Variants in CFAP299 observed in about 807,000 individuals in gnomAD.
CFAP299 encodes the protein cilia- and flagella-associated protein 299.
CFAP299 carries 21 observed loss-of-function variants against 27.0 expected under a neutral mutation model. The ratio of observed to expected loss-of-function variants is 0.78; its 90% CI spans 0.55 to 1.12. The LOEUF (loss-of-function observed/expected upper bound fraction) is 1.12. CFAP299 is among the 50% of genes most tolerant of loss of function. The probability of loss-of-function intolerance (pLI) is 0.00; values close to 1 mark genes in which losing one functional copy is unlikely to be tolerated. For synonymous variants in CFAP299, 104 were observed against 98.1 expected (o/e 1.06, Z -0.36); for missense variants, 310 against 276.6 (o/e 1.12, Z -0.86).
chr4:80,546,482 A>C (rs1370784709), intron 2 of CFAP299, among the ~76,000 whole-genome samples: 1 of 152,216 alleles, frequency 6.6e-6, no homozygotes, highest in Non-Finnish European at 1.5e-5. Flanking sequence ...AAGAGATGAC[A>C]CAAATGAATA....
chr4:80,384,237 G>A (rs1724855393), intron 2 of CFAP299, among the ~76,000 whole-genome samples: 1 of 152,098 alleles, frequency 6.6e-6, no homozygotes, highest in African/African-American at 2.4e-5. Context: ...CTAACCAGAG[G>A]ATCAGAACTT....
rs138038237 is a variant in CFAP299 at position 80,472,810 on chromosome 4, C to T, written c.242+109926C>T. ...CCTGTATGGCCCATGTTCCACGGGACGGGGGTAATTCAGATGTTCCTCATA... is the reference window on the plus strand; with the variant it reads ...CCTGTATGGCCCATGTTCCACGGGATGGGGGTAATTCAGATGTTCCTCATA... On this transcript the variant is annotated intron_variant, in intron 2 of 5. Coordinates refer to ENST00000358105, the MANE Select transcript of CFAP299 (RefSeq NM_152770.3). Among the ~76,000 whole-genome samples the T allele has an allele frequency of 5.1e-3, 774 of 152,218 alleles. 4 individuals carry two copies. Among genetic ancestry groups the T allele is most frequent in the Middle Eastern group, 0.017 (5 of 294 alleles).
intron 3 of CFAP299, among the ~76,000 whole-genome samples, chr4:80,768,930 AGAG>A (rs1726050865): frequency 6.6e-6 from 1 of 152,210 alleles, no homozygotes; most frequent in Non-Finnish European, 1.5e-5. Flanking sequence ...ATGATAGCTC[AGAG>A]GATGGACTGA....
intron 2 of CFAP299, among the ~76,000 whole-genome samples, chr4:80,495,246 C>G (rs1451947196): frequency 6.6e-6 from 1 of 151,788 alleles, no homozygotes; most frequent in African/African-American, 2.4e-5. Context: ...TTGGTTGAAA[C>G]TCTAATTTCC....
chr4:80,343,819 A>AAG (rs1330679571), intron 1 of CFAP299, among the ~76,000 whole-genome samples: 2 of 150,882 alleles, frequency 1.3e-5, no homozygotes, highest in Non-Finnish European at 3.0e-5. Flanking sequence ...AAAAAAAAAA[A>AAG]AAAGAACTCA....
In CFAP299 at chr4:80,906,560, G is replaced by C. The variant is rs936826241; in HGVS notation, c.476+36425G>C. 1.2e-4 allele frequency among the ~76,000 whole-genome samples: 19 copies of C among 152,182 alleles called. 1 individual carries two copies. Among genetic ancestry groups the C allele is most frequent in the Non-Finnish European group, 4.4e-5 (3 of 68,036 alleles). On this transcript the variant is annotated intron_variant, in intron 4 of 5. Transcript: ENST00000358105. Reference sequence around the variant, plus strand: ...GGGCTGTGCCCTGCAGCAGTCTTCTGCCTGGACATCCAGGTATTTCAATAT... The same window carrying C: ...GGGCTGTGCCCTGCAGCAGTCTTCTCCCTGGACATCCAGGTATTTCAATAT...
rs541292020 is a variant in CFAP299 at position 80,348,067 on chromosome 4, T to TGGC, written c.111+12190_111+12192dup. On this transcript the variant is annotated intron_variant, in intron 1 of 5. Coordinates refer to ENST00000358105, the MANE Select transcript of CFAP299 (RefSeq NM_152770.3). ...GAGAAAGGATTCCCTATTTAATAAA[T>TGGC]GGCGTTGGGAGAACTGGTTAGTTAT... Among the ~76,000 whole-genome samples the TGGC allele has an allele frequency of 2.4e-4, 36 of 152,328 alleles. No homozygotes were observed. The South Asian group carries it at 7.5e-3, about 32-fold the overall frequency.
chr4:80,436,841 C>T (rs577595096), intron 2 of CFAP299, among the ~76,000 whole-genome samples: 1 of 152,258 alleles, frequency 6.6e-6, no homozygotes, highest in African/African-American at 2.4e-5. Flanking sequence ...GAGAAATGAA[C>T]TTTGATCACA....
rs144947768 is a variant in CFAP299, at chr4:80,375,380, G to A, written c.242+12496G>A. 6.6e-5 allele frequency among the ~76,000 whole-genome samples: 10 copies of A among 152,234 alleles called. No individual in the cohort carries two copies. The East Asian group carries it at 1.9e-3, about 29-fold the overall frequency. ...TTGGCTAGGGCATTCCCCTTGAATG[G>A]CATGGCATCCCAGCTTACCACATGT... On this transcript the variant is annotated intron_variant, in intron 2 of 5. Coordinates refer to ENST00000358105, the MANE Select transcript of CFAP299 (RefSeq NM_152770.3).
At chr4:80,847,274 C>T (rs1731236695) in intron 3 of CFAP299, among the ~76,000 whole-genome samples, 1 of 152,146 alleles carries the variant, frequency 6.6e-6, no homozygotes, top group East Asian at 1.9e-4. Flanking sequence ...GGGATATGGC[C>T]AGTATAAAAC....
chr4:80,836,616 T>C (rs1229761959), intron 3 of CFAP299, among the ~76,000 whole-genome samples: 1 of 152,196 alleles, frequency 6.6e-6, no homozygotes, highest in African/African-American at 2.4e-5. Flanking sequence ...TATATTGGGC[T>C]GACCTGGATA....
chr4:80,550,936 CAA>C (rs898171247), intron 2 of CFAP299, among the ~76,000 whole-genome samples: 1 of 151,958 alleles, frequency 6.6e-6, no homozygotes, highest in African/African-American at 2.4e-5. Context: ...ATGGGTTTTA[CAA>C]ACTTAGCAGA....
chr4:80,691,953 A>G (rs1263787729), intron 3 of CFAP299, among the ~76,000 whole-genome samples: 1 of 152,234 alleles, frequency 6.6e-6, no homozygotes, highest in African/African-American at 2.4e-5. Flanking sequence ...AATTGCTTCA[A>G]AGAGAATAAA....
chr4:80,725,743 T>C (rs1450665810), intron 3 of CFAP299, among the ~76,000 whole-genome samples: 1 of 152,218 alleles, frequency 6.6e-6, no homozygotes, highest in Non-Finnish European at 1.5e-5. Context: ...TTCCGTATTG[T>C]AGGTTTTCCC....
At chr4:80,332,920 A>G (rs1369615527), upstream of CFAP299, among the ~76,000 whole-genome samples, 2 of 152,290 alleles carry the variant, frequency 1.3e-5, no homozygotes, top group Admixed American at 6.5e-5. Context: ...GTAATGCCTT[A>G]TAGAGCCACA....
intron 2 of CFAP299, among the ~76,000 whole-genome samples, chr4:80,476,430 G>A (rs907019521): frequency 6.6e-6 from 1 of 152,106 alleles, no homozygotes; most frequent in Admixed American, 6.5e-5. Context: ...GGGAAGGTAT[G>A]GAAGGTTCAT....
intron 4 of CFAP299, among the ~76,000 whole-genome samples, chr4:80,929,347 T>C (rs1736463925): frequency 6.6e-6 from 1 of 151,934 alleles, no homozygotes; most frequent in African/African-American, 2.4e-5. Context: ...ATCCAGTCTC[T>C]ATGACACCAC....
At chr4:80,413,990 C>A (rs72659837) in intron 2 of CFAP299, among the ~76,000 whole-genome samples, 2,625 of 151,634 alleles carry the variant, frequency 0.017, 28 homozygotes, top group Non-Finnish European at 0.027. Context: ...GCATGAATAT[C>A]ATCTCTGAAA....
At chr4:80,430,929 T>G (rs1727782275) in intron 2 of CFAP299, among the ~76,000 whole-genome samples, 1 of 152,206 alleles carries the variant, frequency 6.6e-6, no homozygotes, top group Non-Finnish European at 1.5e-5. Context: ...CCTTTTTTTG[T>G]GGGAACCTTT....
Sources: allele counts gnomAD v4.1 joint callset (sites outside exome capture counted in the v4.1 genomes callset), GRCh38; gene constraint gnomAD v4.1.1; transcripts MANE v1.5; gene names NCBI Gene and HGNC (gene_info 2026-07-23, HGNC 2026-07-21).